Variants in SPRED2 observed in about 807,000 individuals in gnomAD.
SPRED2 encodes the protein sprouty related EVH1 domain containing 2.
Under a neutral mutation model 43.0 loss-of-function variants are expected in SPRED2, and 47 were observed. The observed-to-expected ratio is 1.09, with a 90% CI of 0.87 to 1.40. The LOEUF (loss-of-function observed/expected upper bound fraction) is 1.40. SPRED2 is among the 40% of genes most tolerant of loss of function. SPRED2 has a pLI of 0.00. For synonymous variants in SPRED2, 225 were observed against 225.7 expected (o/e 1.00, Z 0.03); for missense variants, 561 against 586.4 (o/e 0.96, Z 0.45).
At chr2:65,371,721 G>A (rs1489426647) in intron 1 of SPRED2, among the ~76,000 whole-genome samples, 1 of 152,012 alleles carries the variant, frequency 6.6e-6, no homozygotes, top group Non-Finnish European at 1.5e-5. Context: ...AGAGCCAGAA[G>A]ACCTGGCTCT....
chr2:65,426,132 T>C (rs2103812421), intron 1 of SPRED2, among the ~76,000 whole-genome samples: 1 of 152,360 alleles, frequency 6.6e-6, no homozygotes, highest in South Asian at 2.1e-4. Context: ...CCCTGTCTTA[T>C]TGTGGTCAAG....
At chr2:65,367,716 C>T (rs565363919) in intron 1 of SPRED2, among the ~76,000 whole-genome samples, 1 of 152,158 alleles carries the variant, frequency 6.6e-6, no homozygotes, top group Non-Finnish European at 1.5e-5. Flanking sequence ...CTTATGCATT[C>T]TCTGAGGACA....
intron 1 of SPRED2, among the ~76,000 whole-genome samples, chr2:65,416,412 T>C (rs1247914016): frequency 6.6e-6 from 1 of 152,174 alleles, no homozygotes; most frequent in Non-Finnish European, 1.5e-5. Context: ...CATCTAGTTC[T>C]CCTGGTCACT....
intron 2 of SPRED2, among the ~76,000 whole-genome samples, chr2:65,343,053 A>G (rs550832823): frequency 6.6e-6 from 1 of 152,342 alleles, no homozygotes; most frequent in African/African-American, 2.4e-5. Flanking sequence ...CCAGGCCCCC[A>G]AAACAGGCCA....
At chr2:65,401,178 G>A (rs1675878093) in intron 1 of SPRED2, among the ~76,000 whole-genome samples, 1 of 150,776 alleles carries the variant, frequency 6.6e-6, no homozygotes, top group Non-Finnish European at 1.5e-5. Context: ...GTTTCACCAC[G>A]TTGGCCAGGC....
At chr2:65,381,497 T>C (rs1192103603) in intron 1 of SPRED2, among the ~76,000 whole-genome samples, 1 of 152,238 alleles carries the variant, frequency 6.6e-6, no homozygotes, top group Non-Finnish European at 1.5e-5. Flanking sequence ...GAGTATCTCC[T>C]CTGGGGCATC....
At chr2:65,332,095 A>G in intron 3 of SPRED2, 44 bp from the exon 4 acceptor site, 1 of 1,284,614 alleles carries the variant, frequency 7.8e-7, no homozygotes, top group East Asian at 2.4e-5. Context: ...CCAAGAGGAT[A>G]CATCAAATCC....
At chr2:65,415,721 T>A (rs1293574454) in intron 1 of SPRED2, among the ~76,000 whole-genome samples, 1 of 152,204 alleles carries the variant, frequency 6.6e-6, no homozygotes, top group Non-Finnish European at 1.5e-5. Context: ...TAGGTGATTT[T>A]TTTTTTATTT....
At chr2:65,314,832 G>T (rs1383571893) in intron 5 of SPRED2, among the ~76,000 whole-genome samples, 1 of 152,148 alleles carries the variant, frequency 6.6e-6, no homozygotes, top group Non-Finnish European at 1.5e-5. Context: ...CAAGAGACAG[G>T]GGACACTAGG....
At chr2:65,381,202 C>T (rs1030961274) in intron 1 of SPRED2, among the ~76,000 whole-genome samples, 1 of 152,226 alleles carries the variant, frequency 6.6e-6, no homozygotes, top group African/African-American at 2.4e-5. Context: ...CTCCTCAACT[C>T]GTAGCTCAGC....
intron 1 of SPRED2, among the ~76,000 whole-genome samples, chr2:65,401,401 A>G (rs1275487192): frequency 1.3e-5 from 2 of 152,170 alleles, no homozygotes; most frequent in African/African-American, 4.8e-5. Context: ...TCACATGCAT[A>G]TCAAATGTTT....
chr2:65,344,755 GC>G lies in SPRED2; in HGVS notation c.167del (p.Gly56AlafsTer20). On this transcript the variant is annotated frameshift_variant, in exon 2 of 6. Coordinates refer to ENST00000356388, the MANE Select transcript of SPRED2 (RefSeq NM_181784.3). LOFTEE classifies it high-confidence loss of function. The part of the protein sequence containing the change: ...VMHPEGNGRS[G>X]FLIHGERQKD... ...TCTGTCGTTCACCATGGATGAGAAAGCCGCTTCGTCCATTGCCTTCGGGGTG... is the reference window on the plus strand; with the variant it reads ...TCTGTCGTTCACCATGGATGAGAAAGCGCTTCGTCCATTGCCTTCGGGGTG... The G allele has an allele frequency of 6.2e-7, 1 of 1,614,144 alleles. No homozygotes were observed. Among genetic ancestry groups the G allele is most frequent in the Non-Finnish European group, 8.5e-7 (1 of 1,180,008 alleles).
At chr2:65,347,927 G>A (rs1229688365) in intron 1 of SPRED2, among the ~76,000 whole-genome samples, 1 of 152,076 alleles carries the variant, frequency 6.6e-6, no homozygotes, top group Non-Finnish European at 1.5e-5. Context: ...TGAGATTGCT[G>A]CAGTAGCCTT....
rs1675818325 is a variant in SPRED2, at chr2:65,398,965, C to T, written c.26+32997G>A. Among the ~76,000 whole-genome samples, 3 of 152,210 alleles carry T rather than the reference C, an allele frequency of 2.0e-5. 1 individual carries two copies. In the South Asian group the frequency reaches 6.2e-4, roughly 32 times the overall value. On this transcript the variant is annotated intron_variant, in intron 1 of 5. Coordinates refer to ENST00000356388, the MANE Select transcript of SPRED2 (RefSeq NM_181784.3). The stretch of plus-strand genomic sequence containing the variant: ...ATATGGAACCACCCCAAATGCCTAT[C>T]AACCAACAAGTGGATAGAGAAAATG...
Position 65,313,241 on chromosome 2 carries a change from T to C in SPRED2, c.*260A>G. The C allele has an allele frequency of 7.9e-7, 1 of 1,271,976 alleles. No homozygotes were observed. Among genetic ancestry groups the C allele is most frequent in the Non-Finnish European group, 9.9e-7 (1 of 1,009,348 alleles). The allele number at this position is 1,271,976 out of a possible 1,614,324, so 78.8% of individuals were successfully genotyped here. A position where few individuals can be genotyped will look rare whatever the true frequency, so the allele number is the denominator to read the frequency against. On this transcript the variant is annotated 3_prime_UTR_variant, in exon 6 of 6. Transcript: ENST00000356388. ...ACAGATTGTTAATAGTACAGGAGTC[T>C]GTGGCGAAGGTTCCTTCCTCAGAAC...
At chr2:65,308,283 C>T (rs1486769794), downstream of SPRED2, 12 of 984,956 alleles carry the variant, frequency 1.2e-5, no homozygotes, top group South Asian at 1.9e-4. Flanking sequence ...ACCCTGCCCT[C>T]TCGGCAAAAC....
Position 65,431,979 on chromosome 2 carries a change from T to A in SPRED2, c.9A>T (p.Glu3Asp). The A allele has an allele frequency of 6.2e-7, 1 of 1,613,948 alleles. No individual in the cohort carries two copies. The highest frequency in any genetic ancestry group is 8.5e-7 in the Non-Finnish European group (1 of 1,179,954). Residue 3 changes from glutamate (E) to aspartate (D), a missense_variant, in exon 1 of 6, where the codon GAA becomes GAT. Glu to Asp is a conservative substitution (Grantham distance 45). Coordinates refer to ENST00000356388, the MANE Select transcript of SPRED2 (RefSeq NM_181784.3). ...AAACTTACTCGTCTGGGTGTGTTTCTTCGGTCATTTTCTTGTTCACCTAGA... is the reference window on the plus strand; with the variant it reads ...AAACTTACTCGTCTGGGTGTGTTTCATCGGTCATTTTCTTGTTCACCTAGA... MT[E>D]ETHPDDDSYI...
At chr2:65,380,430 G>A (rs1326247424) in intron 1 of SPRED2, among the ~76,000 whole-genome samples, 4 of 152,112 alleles carry the variant, frequency 2.6e-5, no homozygotes, top group African/African-American at 9.7e-5. Context: ...GTCAAAAGCT[G>A]TCTGGAACCT....
At chr2:65,385,043 G>A (rs969244649) in intron 1 of SPRED2, among the ~76,000 whole-genome samples, 21 of 147,530 alleles carry the variant, frequency 1.4e-4, no homozygotes, top group Non-Finnish European at 2.5e-4. Flanking sequence ...CGCCATCTCG[G>A]CTCACTGCAA....
Sources: gnomAD v4.1 joint callset for allele counts (sites outside exome capture counted in the v4.1 genomes callset) on GRCh38, gnomAD v4.1.1 for gene constraint, MANE v1.5 for transcripts, NCBI Gene and HGNC (gene_info 2026-07-23, HGNC 2026-07-21) for gene names.